Variants in EYS observed in about 807,000 individuals in gnomAD.
EYS encodes protein eyes shut homolog.
EYS carries 250 observed loss-of-function variants against 282.1 expected under a neutral mutation model. The ratio of observed to expected loss-of-function variants is 0.89; its 90% CI spans 0.80 to 0.98. The LOEUF (loss-of-function observed/expected upper bound fraction) is 0.98, where lower values mean the gene tolerates loss of function less well. Ranked by LOEUF, EYS falls within the 50% of genes least tolerant of loss-of-function variation. The probability of loss-of-function intolerance (pLI) is 0.00; values close to 1 mark genes in which losing one functional copy is unlikely to be tolerated. For missense variants in EYS, 4,016 were observed against 3,709.0 expected (o/e 1.08, Z -2.15); for synonymous variants, 1,355 against 1,282.9 (o/e 1.06, Z -1.20).
chr6:65,684,812 T>C (rs1164512367), intron 1 of EYS, among the ~76,000 whole-genome samples: 3 of 152,022 alleles, frequency 2.0e-5, no homozygotes, highest in Non-Finnish European at 4.4e-5. Flanking sequence ...GTAATAAGCA[T>C]AGATATGATA....
chr6:65,107,477 G>C (rs1436335625), intron 12 of EYS, among the ~76,000 whole-genome samples: 1 of 137,768 alleles, frequency 7.3e-6, no homozygotes, highest in South Asian at 2.1e-4. Flanking sequence ...TGGCTCCCTT[G>C]GGGAAACAAA....
chr6:64,634,418 C>A (rs1190815834), intron 22 of EYS, among the ~76,000 whole-genome samples: 1 of 152,052 alleles, frequency 6.6e-6, no homozygotes, highest in Non-Finnish European at 1.5e-5. Context: ...CACTGATGAA[C>A]AAAGCAATTA....
chr6:65,295,913 C>T lies in EYS; in HGVS notation c.1973G>A (p.Ser658Asn), dbSNP rs1486743340. Residue 658 changes from serine to asparagine, a missense_variant, in exon 12 of 43, where the codon AGT becomes AAT. By Grantham distance (46) the Ser-to-Asn change is conservative. Coordinates refer to ENST00000503581, the MANE Select transcript of EYS (RefSeq NM_001142800.2). ...GAAGAAATATCCCCTTAAATGTGTA[C>T]TAGTTGTTCCATTTTTGCAGGACGC... ...KSASCKNGTT[S>N]THLRGYFFRK... 1.3e-6 allele frequency: 2 copies of T among 1,550,608 alleles called. No individual in the cohort carries two copies. Among genetic ancestry groups the T allele is most frequent in the Non-Finnish European group, 1.7e-6 (2 of 1,146,344 alleles).
intron 29 of EYS, among the ~76,000 whole-genome samples, chr6:64,382,566 T>C (rs1005575981): frequency 1.3e-5 from 2 of 152,188 alleles, no homozygotes; most frequent in African/African-American, 4.8e-5. Context: ...TATTTCTGCA[T>C]TTTCTAATTA....
chr6:64,070,822 A>G (rs576477932), intron 32 of EYS, among the ~76,000 whole-genome samples: 2 of 152,182 alleles, frequency 1.3e-5, no homozygotes, highest in South Asian at 2.1e-4. Context: ...AAAAGAATAC[A>G]ATGACCGCTA....
intron 37 of EYS, among the ~76,000 whole-genome samples, chr6:63,800,010 G>C (rs1770745935): frequency 6.6e-6 from 1 of 152,204 alleles, no homozygotes; most frequent in Non-Finnish European, 1.5e-5. Context: ...GGGGAGAATG[G>C]AACAGCAAAT....
At chr6:64,422,560 C>A (rs1405984293) in intron 28 of EYS, among the ~76,000 whole-genome samples, 1 of 152,146 alleles carries the variant, frequency 6.6e-6, no homozygotes, top group African/African-American at 2.4e-5. Flanking sequence ...TGTTGTGAAG[C>A]CTCAATAGGT....
chr6:63,911,293 C>T (rs932776589), intron 35 of EYS, among the ~76,000 whole-genome samples: 3 of 152,182 alleles, frequency 2.0e-5, no homozygotes, highest in African/African-American at 7.2e-5. Context: ...TTCTGTGTTA[C>T]AAATGTCCCA....
At chr6:64,391,307 C>A (rs1478640606) in intron 28 of EYS, among the ~76,000 whole-genome samples, 4 of 151,734 alleles carry the variant, frequency 2.6e-5, no homozygotes, top group African/African-American at 9.7e-5. Context: ...AAGAGCAACT[C>A]CAAGACACAT....
chr6:65,094,224 A>T (rs1413699282), intron 12 of EYS, among the ~76,000 whole-genome samples: 1 of 151,034 alleles, frequency 6.6e-6, no homozygotes, highest in Non-Finnish European at 1.5e-5. Flanking sequence ...TACATAAAGC[A>T]AACATGACTT....
At chr6:64,824,065 G>C (rs975174062) in intron 19 of EYS, among the ~76,000 whole-genome samples, 6 of 151,868 alleles carry the variant, frequency 4.0e-5, no homozygotes, top group Admixed American at 6.6e-5. Flanking sequence ...TCCATGACTA[G>C]AGTGAGTTAC....
intron 36 of EYS, among the ~76,000 whole-genome samples, chr6:63,855,124 C>T (rs189876039): frequency 1.3e-5 from 2 of 152,290 alleles, no homozygotes; most frequent in African/African-American, 4.8e-5. Context: ...ACTGTGCTAC[C>T]GCACATGGTG....
chr6:65,536,673 A>C (rs918234207), intron 2 of EYS, among the ~76,000 whole-genome samples: 1 of 152,180 alleles, frequency 6.6e-6, no homozygotes, highest in Non-Finnish European at 1.5e-5. Flanking sequence ...AAAACAGAAG[A>C]AAGTAGTGAA....
intron 36 of EYS, among the ~76,000 whole-genome samples, chr6:63,856,998 G>A (rs1386738038): frequency 6.6e-6 from 1 of 152,114 alleles, no homozygotes; most frequent in Non-Finnish European, 1.5e-5. Flanking sequence ...CCATATAACA[G>A]ACAACTTATT....
At chr6:64,082,363 T>G (rs1220281560) in intron 31 of EYS, among the ~76,000 whole-genome samples, 1 of 152,162 alleles carries the variant, frequency 6.6e-6, no homozygotes, top group African/African-American at 2.4e-5. Context: ...GGTTGTATTG[T>G]TTGTTAATTT....
At chr6:65,098,651 G>A (rs1164983315) in intron 12 of EYS, among the ~76,000 whole-genome samples, 1 of 150,708 alleles carries the variant, frequency 6.6e-6, no homozygotes, top group Non-Finnish European at 1.5e-5. Flanking sequence ...ACATTTTTAG[G>A]ATTCTGAACA....
At chr6:64,472,024 T>A (rs1776137983) in intron 26 of EYS, among the ~76,000 whole-genome samples, 1 of 152,230 alleles carries the variant, frequency 6.6e-6, no homozygotes, top group Admixed American at 6.5e-5. Context: ...TTTCATTTGA[T>A]CATTACACAT....
At chr6:64,737,635 T>C (rs957670921) in intron 22 of EYS, among the ~76,000 whole-genome samples, 12 of 152,350 alleles carry the variant, frequency 7.9e-5, no homozygotes, top group African/African-American at 2.4e-4. Flanking sequence ...TGAGGTCTGA[T>C]AGGTCTGATA....
intron 36 of EYS, among the ~76,000 whole-genome samples, chr6:63,830,431 C>T (rs571581012): frequency 3.3e-5 from 5 of 152,228 alleles, no homozygotes; most frequent in East Asian, 1.9e-4. Flanking sequence ...ATGCACAAGC[C>T]TCAGTAGCCA....
Sources: allele counts gnomAD v4.1 joint callset (sites outside exome capture counted in the v4.1 genomes callset), GRCh38; gene constraint gnomAD v4.1.1; transcripts MANE v1.5; gene names NCBI Gene and HGNC (gene_info 2026-07-23, HGNC 2026-07-21).